RGS8: variants seen among roughly 807,000 people sequenced by gnomAD.
RGS8 encodes regulator of G protein signaling 8, also known as regulator of G-protein signaling 8.
Under a neutral mutation model 21.7 loss-of-function variants are expected in RGS8, and 8 were observed. That is an observed-to-expected ratio of 0.37 (90% CI 0.22 to 0.66). The LOEUF is 0.66. RGS8 is among the 30% of genes least tolerant of loss of function. The pLI, the probability that RGS8 is intolerant of heterozygous loss-of-function variation, is 0.59. For missense variants in RGS8, 157 were observed against 217.9 expected, an observed-to-expected ratio of 0.72 and a Z score of 1.76; for synonymous variants, 80 against 83.6, an observed-to-expected ratio of 0.96 and a Z score of 0.24.
At chr1:182,738,193 A>T in the RGS8 span, among the ~76,000 whole-genome samples, 6 of 152,244 alleles carry the variant, frequency 3.9e-5, no homozygotes, top group Non-Finnish European at 5.9e-5. Flanking sequence ...AAACTGTTGC[A>T]TATAATGGAC....
intron 3 of RGS8, among the ~76,000 whole-genome samples, chr1:182,669,154 T>C (rs564178722): frequency 1.3e-5 from 2 of 152,382 alleles, no homozygotes; most frequent in South Asian, 4.1e-4. Flanking sequence ...ATGGTTTTTA[T>C]TTTTCATCTT....
At chr1:182,728,816 A>G in the RGS8 span, among the ~76,000 whole-genome samples, 3 of 152,224 alleles carry the variant, frequency 2.0e-5, no homozygotes, top group African/African-American at 7.2e-5. Flanking sequence ...TTTACTATTT[A>G]GAAATAGAAA....
the RGS8 span, among the ~76,000 whole-genome samples, chr1:182,748,024 A>G: frequency 2.6e-5 from 4 of 152,184 alleles, no homozygotes; most frequent in African/African-American, 9.7e-5. Context: ...TGTGTCCAAC[A>G]TGCTGTTTTG....
the RGS8 span, among the ~76,000 whole-genome samples, chr1:182,713,721 A>G: frequency 3.9e-5 from 6 of 152,276 alleles, no homozygotes; most frequent in Admixed American, 3.9e-4. Flanking sequence ...TAAATGCTCA[A>G]GCTGTTGCCA....
At chr1:182,669,630 G>C (rs778363595) in exon 3 of RGS8, 2 of 1,614,224 alleles carry the variant, frequency 1.2e-6, no homozygotes, top group South Asian at 1.1e-5. Flanking sequence ...TTACCTGCGT[G>C]GCATCAGTAA....
chr1:182,729,619 G>T, the RGS8 span, among the ~76,000 whole-genome samples: 2 of 151,814 alleles, frequency 1.3e-5, no homozygotes, highest in African/African-American at 4.8e-5. Context: ...CCTGATGAAG[G>T]TATATTAATA....
chr1:182,732,325 C>T, the RGS8 span, among the ~76,000 whole-genome samples: 75 of 149,422 alleles, frequency 5.0e-4, 1 homozygote, highest in East Asian at 3.5e-3. Context: ...TACTAGGTTG[C>T]GCTTAATGCT....
chr1:182,643,032 AACAGTCTAGGAG>A (rs1229344472), downstream of RGS8: 1 of 152,294 alleles, frequency 6.6e-6, no homozygotes, highest in African/African-American at 2.4e-5. Context: ...AGACAGGGGA[AACAGTCTAGGAG>A]ACAAGCTTGG....
chr1:182,735,229 A>C, the RGS8 span, among the ~76,000 whole-genome samples: 1 of 152,236 alleles, frequency 6.6e-6, no homozygotes, highest in Non-Finnish European at 1.5e-5. Flanking sequence ...TGTCTGCTGA[A>C]TAAAATTTTC....
At chr1:182,666,760 T>C in intron 4 of RGS8, 112 bp downstream of exon 5, 1 of 751,542 alleles carries the variant, frequency 1.3e-6, no homozygotes, top group South Asian at 1.5e-5. Context: ...TAAAAGGAGC[T>C]GCCAAGAGAC....
intron 2 of RGS8, 81 bp downstream of exon 3, chr1:182,671,576 C>T (rs771678155): frequency 7.3e-6 from 9 of 1,231,676 alleles, no homozygotes; most frequent in Non-Finnish European, 1.1e-5. Flanking sequence ...CATGAAGAGG[C>T]AAGTTAATTA....
At chr1:182,678,532 T>C (rs938210389) in intron 1 of RGS8, among the ~76,000 whole-genome samples, 1 of 152,218 alleles carries the variant, frequency 6.6e-6, no homozygotes, top group African/African-American at 2.4e-5. Context: ...CTTTGAAGAC[T>C]TTGTCCAATG....
chr1:182,728,911 G>A, the RGS8 span, among the ~76,000 whole-genome samples: 1 of 152,108 alleles, frequency 6.6e-6, no homozygotes, highest in Non-Finnish European at 1.5e-5. Context: ...CTAGGTAATG[G>A]GTTGACAGGT....
chr1:182,657,651 C>G (rs1235342458), intron 5 of RGS8, among the ~76,000 whole-genome samples: 1 of 152,184 alleles, frequency 6.6e-6, no homozygotes, highest in East Asian at 1.9e-4. Context: ...CCCACACCAG[C>G]TAAGTGTGAG....
the RGS8 span, among the ~76,000 whole-genome samples, chr1:182,695,323 G>T: frequency 1.3e-3 from 196 of 152,228 alleles, 1 homozygote; most frequent in East Asian, 2.1e-3. Flanking sequence ...CACAAAAAAT[G>T]GACACGTAAT....
chr1:182,698,239 A>G, the RGS8 span, among the ~76,000 whole-genome samples: 1 of 152,206 alleles, frequency 6.6e-6, no homozygotes, highest in Non-Finnish European at 1.5e-5. Flanking sequence ...AGGAGCTGGC[A>G]TCATCTGGTC....
At chr1:182,650,843 T>C (rs578008485) in intron 5 of RGS8, among the ~76,000 whole-genome samples, 5 of 152,262 alleles carry the variant, frequency 3.3e-5, no homozygotes, top group Admixed American at 1.3e-4. Flanking sequence ...GTTAATTACA[T>C]GCAGACAATA....
At chr1:182,681,210 A>G (rs778210852) in intron 1 of RGS8, among the ~76,000 whole-genome samples, 1 of 152,134 alleles carries the variant, frequency 6.6e-6, no homozygotes, top group Non-Finnish European at 1.5e-5. Flanking sequence ...GGAGAAGCAG[A>G]GGGATGTAGT....
chr1:182,696,777 G>A, the RGS8 span, among the ~76,000 whole-genome samples: 1 of 152,190 alleles, frequency 6.6e-6, no homozygotes, highest in African/African-American at 2.4e-5. Flanking sequence ...TATTGATCAT[G>A]AATCTCTGAG....
Sources: gnomAD v4.1 joint callset for allele counts (sites outside exome capture counted in the v4.1 genomes callset) on GRCh38, gnomAD v4.1.1 for gene constraint, MANE v1.5 for transcripts, NCBI Gene and HGNC (gene_info 2026-07-23, HGNC 2026-07-21) for gene names.